AEBP1: variants seen among roughly 807,000 people sequenced by gnomAD.
AEBP1 encodes the protein adipocyte enhancer-binding protein 1.
AEBP1 carries 69 observed loss-of-function variants against 116.5 expected under a neutral mutation model. That is an observed-to-expected ratio of 0.59 (90% CI 0.49 to 0.72). The LOEUF is 0.72. AEBP1 is among the 30% of genes least tolerant of loss of function. AEBP1 has a pLI of 0.00. For synonymous variants in AEBP1, 627 were observed against 627.3 expected (o/e 1.00, Z 0.01); for missense variants, 1,444 against 1,557.5 (o/e 0.93, Z 1.23).
Position 44,111,517 on chromosome 7 carries a change from TG to T in AEBP1, c.1729del (p.Val577Ter), listed in dbSNP as rs2096229399. 4.4e-6 allele frequency: 7 copies of T among 1,592,516 alleles called. No individual in the cohort carries two copies. Among genetic ancestry groups the T allele is most frequent in the African/African-American group, 1.4e-5 (1 of 73,970 alleles). On this transcript the variant is annotated frameshift_variant, in exon 15 of 21. Transcript: ENST00000223357. LOFTEE classifies it high-confidence loss of function. This position sits in a 1 kb window ranked among gnomAD's most constrained non-coding sequence, Gnocchi z 4.7. ...CCCCCTCTGCCCCAGCTCATGAAGG[TG>T]GTGAACGAGGAGTGCCCCACCATCA... The part of the protein sequence containing the change: ...SYKDMRQLMK[V>X]VNEECPTITR...
rs1312575130 is a variant in AEBP1, at chr7:44,104,882, G to A, written c.217G>A (p.Gly73Ser). ...TPRVRKAQAG[G>S]KPGKRPGTAA... ...GCGGGTCCGAAAAGCCCAGGCGGGG[G>A]GCAAGCCAGGGAAGCGGCCAGGGAC... The change falls in exon 1 of 21, where the codon GGC (glycine) becomes AGC (serine). Residue 73 changes from glycine to serine, a missense_variant. Coordinates refer to ENST00000223357, the MANE Select transcript of AEBP1 (RefSeq NM_001129.5). The A allele has an allele frequency of 3.9e-6, 6 of 1,557,442 alleles. No homozygotes were observed. The highest frequency in any genetic ancestry group is 5.2e-6 in the Non-Finnish European group (6 of 1,151,094).
At position 44,112,574 on chromosome 7, in the gene AEBP1, G is replaced by A. The variant is rs138705367; in HGVS notation, c.2234G>A (p.Arg745Gln). ...CCACTCCAGGTATCCACGGAGGTCC[G>A]GGCCATCATTGCCTGGATGGAGAAG... ...SPDATVSTEV[R>Q]AIIAWMEKNP... is the part of the protein sequence containing the mutation. Residue 745 changes from arginine (R) to glutamine (Q), a missense_variant, in exon 18 of 21, where the codon CGG (arginine) becomes CAG (glutamine). Arg to Gln is a conservative substitution (Grantham distance 43). Transcript: ENST00000223357. This position sits in a 1 kb window ranked among gnomAD's most constrained non-coding sequence, Gnocchi z 6.6. 1.4e-4 allele frequency: 227 copies of A among 1,593,088 alleles called. 2 individuals are homozygous for A. The South Asian group carries it at 2.4e-3, about 17-fold the overall frequency.
In AEBP1 at chr7:44,111,827, T is replaced by TACTC. The variant is rs773913174; in HGVS notation, c.1841-27_1841-26insACTC. The TACTC allele has an allele frequency of 4.2e-5, 68 of 1,602,602 alleles. No homozygotes were observed. Among genetic ancestry groups the TACTC allele is most frequent in the Non-Finnish European group, 5.7e-5 (67 of 1,174,388 alleles). On this transcript the variant is annotated intron_variant, in intron 15 of 20. Coordinates refer to ENST00000223357, the MANE Select transcript of AEBP1 (RefSeq NM_001129.5). The surrounding 1 kb of genome is among the most constrained non-coding windows in gnomAD (Gnocchi z 4.7). The stretch of plus-strand genomic sequence containing the variant: ...CTGCCCTGGGCCTCGGGAGACTGAG[T>TACTC]GCTCACTGAGGCTCCCGCCCTTGCA...
chr7:44,106,537 C>T lies in AEBP1; in HGVS notation c.254-9C>T. 6.3e-7 allele frequency: 1 copy of T among 1,583,862 alleles called. No homozygotes were observed. The highest frequency in any genetic ancestry group is 8.6e-7 in the Non-Finnish European group (1 of 1,168,334). On this transcript the variant is annotated splice_polypyrimidine_tract_variant and intron_variant, in intron 1 of 20. Transcript: ENST00000223357. ...CTGTTCATTTGACACGAGTCTGCAT[C>T]TTGGACAGTGCCTCCGGAAAAGACC...
In AEBP1 at chr7:44,112,252, A is replaced by G; in HGVS notation, c.2148A>G (p.Lys716=). 1 of 1,604,452 alleles carries G rather than the reference A, an allele frequency of 6.2e-7. No individual in the cohort carries two copies. Among genetic ancestry groups the G allele is most frequent in the East Asian group, 2.2e-5 (1 of 44,592 alleles). ...TGCTCTGGGGAGCTGAGGAGAGGAA[A>G]TGGGTCCCCTACCGGGTCCCCAACA... is the stretch of plus-strand genomic sequence containing the variant. ...NSVLWGAEER[K]WVPYRVPNNN... The change falls in exon 17 of 21, where the codon AAA becomes AAG. Residue 716 remains lysine, a synonymous_variant. Coordinates refer to ENST00000223357, the MANE Select transcript of AEBP1 (RefSeq NM_001129.5). This position sits in a 1 kb window ranked among gnomAD's most constrained non-coding sequence, Gnocchi z 6.6.
Position 44,104,730 on chromosome 7 carries a change from G to A in AEBP1, c.65G>A (p.Gly22Glu). The A allele has an allele frequency of 6.2e-7, 1 of 1,611,116 alleles. No homozygotes were observed. Among genetic ancestry groups the A allele is most frequent in the Non-Finnish European group, 8.5e-7 (1 of 1,179,396 alleles). The change falls in exon 1 of 21, where the codon GGA (glycine) becomes GAA (glutamate). Residue 22 changes from glycine (G) to glutamate (E), a missense_variant. Coordinates refer to ENST00000223357, the MANE Select transcript of AEBP1 (RefSeq NM_001129.5). ...CLLALLALCP[G>E]GRPQTVLTDD... ...CTGGCGTTGCTGGCCCTGTGCCCTG[G>A]AGGGCGCCCGCAGACGGTGCTGACC...
At position 44,111,628 on chromosome 7, in the gene AEBP1, T is replaced by G; in HGVS notation, c.1838T>G (p.Leu613Arg). 1 of 1,612,064 alleles carries G rather than the reference T, an allele frequency of 6.2e-7. No individual in the cohort carries two copies. Among genetic ancestry groups the G allele is most frequent in the South Asian group, 1.1e-5 (1 of 91,022 alleles). The change falls in exon 15 of 21, where the codon CTG becomes CGG. Residue 613 changes from leucine (L) to arginine (R), a missense_variant and splice_region_variant. Transcript: ENST00000223357. This position sits in a 1 kb window ranked among gnomAD's most constrained non-coding sequence, Gnocchi z 4.7. ...TCAGACAACCCTGGGGAGCATGAACTGGGTGAGGGTCTGTGGGGGCCAGCA... is the reference window on the plus strand; with the variant it reads ...TCAGACAACCCTGGGGAGCATGAACGGGGTGAGGGTCTGTGGGGGCCAGCA... The part of the protein sequence containing the change: ...EISDNPGEHE[L>R]GEPEFRYTAG...
intron 9 of AEBP1, 57 bp from the exon 10 acceptor site, chr7:44,109,958 T>G: frequency 6.7e-7 from 1 of 1,502,810 alleles, no homozygotes; most frequent in Non-Finnish European, 9.1e-7. Context: ...TGGTTCTGGG[T>G]TTGGTGGAGG....
Position 44,108,253 on chromosome 7 carries a change from G to T in AEBP1, c.940+169G>T, listed in dbSNP as rs2096225225. Among the ~76,000 whole-genome samples, 1 of 152,064 alleles carries T rather than the reference G, an allele frequency of 6.6e-6. No individual in the cohort carries two copies. The highest frequency in any genetic ancestry group is 2.4e-5 in the African/African-American group (1 of 41,392). Reference sequence around the variant, plus strand: ...GCGTGCCCACCCCAGCCACTGCCCTGTCTCCTCTGCCCTCAGGCTGGTCTT... The same window carrying T: ...GCGTGCCCACCCCAGCCACTGCCCTTTCTCCTCTGCCCTCAGGCTGGTCTT... On this transcript the variant is annotated intron_variant, in intron 6 of 20. Coordinates refer to ENST00000223357, the MANE Select transcript of AEBP1 (RefSeq NM_001129.5). This position sits in a 1 kb window ranked among gnomAD's most constrained non-coding sequence, Gnocchi z 5.0.
chr7:44,110,153 A>G lies in AEBP1; in HGVS notation c.1260+29A>G, dbSNP rs754498043. 3 of 1,613,024 alleles carry G rather than the reference A, an allele frequency of 1.9e-6. No homozygotes were observed. The African/African-American group carries it at 4.0e-5, about 22-fold the overall frequency. On this transcript the variant is annotated intron_variant, in intron 10 of 20. Coordinates refer to ENST00000223357, the MANE Select transcript of AEBP1 (RefSeq NM_001129.5). ...GGCATTGGGATGGGCCCATCTCCCA[A>G]CTGGGATAAGGGACTCCTCCGCCCA...
Position 44,111,298 on chromosome 7 carries a change from G to A in AEBP1, c.1716+59G>A, listed in dbSNP as rs2128808927. 2 of 1,460,684 alleles carry A rather than the reference G, an allele frequency of 1.4e-6. No individual in the cohort carries two copies. Among genetic ancestry groups the A allele is most frequent in the East Asian group, 2.4e-5 (1 of 41,650 alleles). The allele number at this position is 1,460,684 out of a possible 1,614,324, so 90.5% of individuals were successfully genotyped here. Reference sequence around the variant, plus strand: ...ACCTGTCTGTGGCTGACGGGAGTGTGTGCCTGGTGCTTCTGTCACTGGGCC... The same window carrying A: ...ACCTGTCTGTGGCTGACGGGAGTGTATGCCTGGTGCTTCTGTCACTGGGCC... On this transcript the variant is annotated intron_variant, in intron 14 of 20. Transcript: ENST00000223357. The surrounding 1 kb of genome is among the most constrained non-coding windows in gnomAD (Gnocchi z 4.7).
Position 44,106,841 on chromosome 7 carries a change from G to T in AEBP1, c.549G>T (p.Leu183=). The change falls in exon 2 of 21, where the codon CTG becomes CTT. Residue 183 remains leucine, a synonymous_variant. Coordinates refer to ENST00000223357, the MANE Select transcript of AEBP1 (RefSeq NM_001129.5). The part of the protein sequence containing the change: ...LAPSETLEWP[L]PPPPSPGPEE... ...CCTCAGAAACCCTGGAGTGGCCACT[G>T]CCCCCACCCCCCAGCCCTGGCCCCG... 6.2e-7 allele frequency: 1 copy of T among 1,605,174 alleles called. No individual in the cohort carries two copies. The highest frequency in any genetic ancestry group is 8.5e-7 in the Non-Finnish European group (1 of 1,176,672).
At chr7:44,109,510 G>A in intron 9 of AEBP1, 169 bp downstream of exon 9, 1 of 746,698 alleles carries the variant, frequency 1.3e-6, no homozygotes, top group Non-Finnish European at 2.1e-6. Flanking sequence ...AGCCTCGCTT[G>A]GCTGCCCCAG....
intron 9 of AEBP1, 130 bp from the exon 10 acceptor site, chr7:44,109,885 C>G (rs887473973): frequency 4.9e-6 from 4 of 808,352 alleles, no homozygotes; most frequent in Non-Finnish European, 7.8e-6. Context: ...AGGGAGCCAC[C>G]AGCTGACCAG....
In AEBP1 at chr7:44,110,954, T is replaced by A; in HGVS notation, c.1527T>A (p.Ser509Arg). ...TGGACAAGGACACACCCGTGCTGAG[T>A]GAGCTCCCAGAGCCGGTGGTGGCTC... The part of the protein sequence containing the change: ...GNVDKDTPVL[S>R]ELPEPVVARF... Residue 509 changes from serine to arginine, a missense_variant, in exon 13 of 21, where the codon AGT becomes AGA. Ser to Arg is a moderately radical substitution (Grantham distance 110, BLOSUM62 -1). Transcript: ENST00000223357. 1 of 1,613,960 alleles carries A rather than the reference T, an allele frequency of 6.2e-7. No homozygotes were observed. Among genetic ancestry groups the A allele is most frequent in the South Asian group, 1.1e-5 (1 of 91,076 alleles).
chr7:44,109,918 C>A, intron 9 of AEBP1, 97 bp from the exon 10 acceptor site: 1 of 1,114,248 alleles, frequency 9.0e-7, no homozygotes. Flanking sequence ...ACTGTGCCCC[C>A]GATGTGCCGG....
At position 44,104,570 on chromosome 7, in the gene AEBP1, C is replaced by T; in HGVS notation, c.-96C>T. The T allele has an allele frequency of 1.3e-6, 1 of 798,112 alleles. No homozygotes were observed. Among genetic ancestry groups the T allele is most frequent in the South Asian group, 2.3e-5 (1 of 44,300 alleles). 49.4% of individuals were successfully genotyped at this position (798,112 alleles called of 1,614,324 possible). A position where few individuals can be genotyped will look rare whatever the true frequency, so the allele number is the denominator to read the frequency against. On this transcript the variant is annotated 5_prime_UTR_variant, in exon 1 of 21. Coordinates refer to ENST00000223357, the MANE Select transcript of AEBP1 (RefSeq NM_001129.5). ...CTCTCTCCCGCCCCTTCCTGGATTC[C>T]CTCACCCGTCTCGATCCCCTCTCCG...
At position 44,112,477 on chromosome 7, in the gene AEBP1, G is replaced by A; in HGVS notation, c.2218-81G>A. Reference sequence around the variant, plus strand: ...GGGATCGTGCGAGTACTGGTGTGAAGCTTCATGGAGGGTGATCGGGCTAGG... The same window carrying A: ...GGGATCGTGCGAGTACTGGTGTGAAACTTCATGGAGGGTGATCGGGCTAGG... On this transcript the variant is annotated intron_variant, in intron 17 of 20. Transcript: ENST00000223357. The surrounding 1 kb of genome is among the most constrained non-coding windows in gnomAD (Gnocchi z 6.6). The A allele has an allele frequency of 2.8e-6, 4 of 1,422,492 alleles. No homozygotes were observed. The highest frequency in any genetic ancestry group is 3.8e-6 in the Non-Finnish European group (4 of 1,053,032). The allele number at this position is 1,422,492 out of a possible 1,614,324, so 88.1% of individuals were successfully genotyped here. A position where few individuals can be genotyped will look rare whatever the true frequency, so the allele number is the denominator to read the frequency against.
At chr7:44,104,942 G>C in intron 1 of AEBP1, 24 bp downstream of exon 1, 1 of 1,507,614 alleles carries the variant, frequency 6.6e-7, no homozygotes, top group Non-Finnish European at 8.9e-7. Context: ...GCAGGGCGGG[G>C]GTGTGGGGGG....
Sources: gnomAD v4.1 joint callset for allele counts (sites outside exome capture counted in the v4.1 genomes callset) on GRCh38, gnomAD v4.1.1 for gene constraint, Gnocchi (gnomAD v3.1) non-coding constraint, MANE v1.5 for transcripts, NCBI Gene and HGNC (gene_info 2026-07-23, HGNC 2026-07-21) for gene names.